The following UCK2 variants were observed in gnomAD, a reference collection of about 807,000 sequenced individuals.
UCK2 encodes the protein uridine-cytidine kinase 2.
A neutral mutation model predicts 30.8 loss-of-function variants in UCK2; 6 were observed. The observed-to-expected ratio is 0.19, with a 90% CI of 0.11 to 0.38. UCK2 has a LOEUF of 0.38. Among genes scored for constraint, UCK2 ranks in the 10% least tolerant of loss-of-function variants. The pLI is 1.00. For synonymous variants in UCK2, 125 were observed against 133.6 expected (o/e 0.94, Z 0.45); for missense variants, 210 against 339.8 (o/e 0.62, Z 3.00).
Position 165,890,194 on chromosome 1 carries a change from C to T in UCK2, c.100-10C>T, listed in dbSNP as rs1557846684. ...CTCTTATTCCTGGGTGCTCTCTTCT[C>T]TCCTCACAGTCTTCCGTGTGTGCTA... On this transcript the variant is annotated splice_polypyrimidine_tract_variant and intron_variant, in intron 1 of 6. Coordinates refer to ENST00000367879, the MANE Select transcript of UCK2 (RefSeq NM_012474.5). 1.4e-5 allele frequency: 22 copies of T among 1,613,794 alleles called. No individual in the cohort carries two copies. Among genetic ancestry groups the T allele is most frequent in the Non-Finnish European group, 1.6e-5 (19 of 1,179,970 alleles).
intron 3 of UCK2, among the ~76,000 whole-genome samples, chr1:165,893,688 A>G (rs1411735515): frequency 4.6e-5 from 7 of 152,198 alleles, no homozygotes; most frequent in African/African-American, 1.7e-4. Context: ...CCTAAGTGGT[A>G]TATTATGCCA....
At chr1:165,884,176 G>A (rs1655564370) in intron 1 of UCK2, among the ~76,000 whole-genome samples, 1 of 152,182 alleles carries the variant, frequency 6.6e-6, no homozygotes, top group African/African-American at 2.4e-5. Flanking sequence ...GGAGCTAGAT[G>A]GGATCTTCCT....
intron 1 of UCK2, among the ~76,000 whole-genome samples, chr1:165,886,058 C>G (rs1401473206): frequency 6.6e-6 from 1 of 152,094 alleles, no homozygotes; most frequent in Admixed American, 6.5e-5. Flanking sequence ...CTCCCCTCAG[C>G]CCCTGGCAAC....
chr1:165,837,568 A>G (rs1022928620), intron 1 of UCK2, among the ~76,000 whole-genome samples: 1 of 152,006 alleles, frequency 6.6e-6, no homozygotes, highest in Admixed American at 6.6e-5. Context: ...CTCCTCTTCT[A>G]TGTTGCCAAA....
intron 1 of UCK2, among the ~76,000 whole-genome samples, chr1:165,883,967 C>A (rs1224920739): frequency 6.6e-6 from 1 of 152,136 alleles, no homozygotes; most frequent in African/African-American, 2.4e-5. Context: ...TTTTCTAATG[C>A]CTGTAAATTA....
intron 1 of UCK2, among the ~76,000 whole-genome samples, chr1:165,843,092 CTT>C (rs1289436059): frequency 1.8e-5 from 1 of 54,668 alleles, no homozygotes; most frequent in Non-Finnish European, 6.2e-5. Context: ...CTGTGTTTTT[CTT>C]TCTCTGACAC....
chr1:165,887,310 C>G (rs1231581420), intron 1 of UCK2, among the ~76,000 whole-genome samples: 2 of 152,132 alleles, frequency 1.3e-5, no homozygotes, highest in African/African-American at 4.8e-5. Flanking sequence ...TATCATTGAT[C>G]AAGGGTTGGG....
In UCK2 at chr1:165,909,281, C is replaced by T. The variant is rs1647774503; in HGVS notation, c.*1458C>T. ...AGTCCCGAGCCTCAGTTTCTGACTG[C>T]AGAAGAGCCAGAGATGTTCATTTCA... On this transcript the variant is annotated 3_prime_UTR_variant, in exon 7 of 7. Transcript: ENST00000367879. 1.3e-5 allele frequency: 2 copies of T among 152,154 alleles called. No individual in the cohort carries two copies. The highest frequency in any genetic ancestry group is 4.8e-5 in the African/African-American group (2 of 41,432). The allele number at this position is 152,154 out of a possible 1,614,324, so 9.4% of individuals were successfully genotyped here.
intron 1 of UCK2, among the ~76,000 whole-genome samples, chr1:165,868,609 ACTTTT>A (rs2101869088): frequency 6.6e-6 from 1 of 152,244 alleles, no homozygotes; most frequent in South Asian, 2.1e-4. Context: ...TTAGCTTCAA[ACTTTT>A]CTTGTGTGGC....
intron 3 of UCK2, among the ~76,000 whole-genome samples, chr1:165,893,164 A>G (rs1201018819): frequency 1.3e-5 from 2 of 152,220 alleles, no homozygotes; most frequent in South Asian, 2.1e-4. Flanking sequence ...GGAACTGAGC[A>G]TGGTTGACAG....
chr1:165,839,280 A>G lies in UCK2; in HGVS notation c.99+11348A>G, dbSNP rs183073526. Among the ~76,000 whole-genome samples the G allele has an allele frequency of 2.0e-3, 297 of 152,284 alleles. 2 individuals carry two copies. The highest frequency in any genetic ancestry group is 6.6e-3 in the African/African-American group (276 of 41,558). On this transcript the variant is annotated intron_variant, in intron 1 of 6. Transcript: ENST00000367879. ...GAAGGAATAGAATATTGAGTGATAC[A>G]TAGTGTTTGAACAAGAGAGGTAGTG...
chr1:165,884,013 G>A (rs796884259), intron 1 of UCK2, among the ~76,000 whole-genome samples: 1 of 152,156 alleles, frequency 6.6e-6, no homozygotes, highest in Non-Finnish European at 1.5e-5. Context: ...ACCCCTACCC[G>A]CAAAGGAGTG....
chr1:165,859,920 G>A (rs1056514680), intron 1 of UCK2, among the ~76,000 whole-genome samples: 2 of 152,134 alleles, frequency 1.3e-5, no homozygotes, highest in African/African-American at 4.8e-5. Flanking sequence ...ACCCTGCTTT[G>A]CCCATCACAG....
At position 165,905,959 on chromosome 1, in the gene UCK2, A is replaced by G. The variant is rs1220957948; in HGVS notation, c.636A>G (p.Ala212=). The G allele has an allele frequency of 6.2e-7, 1 of 1,613,916 alleles. No individual in the cohort carries two copies. ...KYADVIIPRG[A]DNLVAINLIV... ...CTGATGTGATCATCCCTAGAGGTGC[A>G]GATAATCTGGGTGAGTCCCTGCAGA... Residue 212 remains alanine, a synonymous_variant, in exon 6 of 7, where the codon GCA becomes GCG. Coordinates refer to ENST00000367879, the MANE Select transcript of UCK2 (RefSeq NM_012474.5).
chr1:165,881,143 A>G (rs1046412881), intron 1 of UCK2, among the ~76,000 whole-genome samples: 2 of 146,456 alleles, frequency 1.4e-5, no homozygotes, highest in Admixed American at 7.1e-5. Context: ...ACTGTACTCC[A>G]GCCTGGGCGA....
intron 1 of UCK2, among the ~76,000 whole-genome samples, chr1:165,855,753 G>A (rs1000215890): frequency 2.6e-5 from 4 of 152,174 alleles, no homozygotes; most frequent in African/African-American, 9.7e-5. Context: ...AGGAGCACAG[G>A]TGGATGTGGG....
chr1:165,838,072 A>T (rs961082050), intron 1 of UCK2, among the ~76,000 whole-genome samples: 6 of 152,200 alleles, frequency 3.9e-5, no homozygotes, highest in Admixed American at 2.6e-4. Context: ...AGTGACTTGG[A>T]TCCATTCCCT....
chr1:165,856,190 C>G (rs149230489), intron 1 of UCK2, among the ~76,000 whole-genome samples: 1 of 151,702 alleles, frequency 6.6e-6, no homozygotes, highest in Non-Finnish European at 1.5e-5. Context: ...AACTAAGGCC[C>G]GGAAATGAAA....
In UCK2 at chr1:165,891,208, C is replaced by T. The variant is rs753067698; in HGVS notation, c.260-18C>T. 6.2e-7 allele frequency: 1 copy of T among 1,608,260 alleles called. No homozygotes were observed. The highest frequency in any genetic ancestry group is 8.5e-7 in the Non-Finnish European group (1 of 1,174,844). ...ATTTTAAAATTAAGAAACATTTTAA[C>T]AATTTGGTATTTTTCAGATGCCTTT... On this transcript the variant is annotated intron_variant, in intron 2 of 6. Transcript: ENST00000367879.
Sources: gnomAD v4.1 joint callset for allele counts (sites outside exome capture counted in the v4.1 genomes callset) on GRCh38, gnomAD v4.1.1 for gene constraint, MANE v1.5 for transcripts, NCBI Gene and HGNC (gene_info 2026-07-23, HGNC 2026-07-21) for gene names.